The following OSBPL10 variants were observed in gnomAD, a reference collection of about 807,000 sequenced individuals.
The protein encoded by OSBPL10 is oxysterol-binding protein-related protein 10.
A neutral mutation model predicts 81.7 loss-of-function variants in OSBPL10; 49 were observed. The ratio of observed to expected loss-of-function variants is 0.60; its 90% CI spans 0.48 to 0.76. The LOEUF is 0.76. Among genes scored for constraint, OSBPL10 ranks in the 30% least tolerant of loss-of-function variants. The pLI is 0.00. For missense variants in OSBPL10, 923 were observed against 987.8 expected, an observed-to-expected ratio of 0.93 and a Z score of 0.88; for synonymous variants, 419 against 383.6, an observed-to-expected ratio of 1.09 and a Z score of -1.08.
At chr3:32,030,715 A>T in intron 2 of OSBPL10, 1 of 701,374 alleles carries the variant, frequency 1.4e-6, no homozygotes. Context: ...CTGGACTGTA[A>T]AAATAAATAA....
At chr3:31,928,779 A>T (rs1274024872) in intron 1 of OSBPL10, among the ~76,000 whole-genome samples, 1 of 151,692 alleles carries the variant, frequency 6.6e-6, no homozygotes, top group Admixed American at 6.6e-5. Flanking sequence ...AAAAAAAAAA[A>T]AAGAATGCCC....
intron 4 of OSBPL10, among the ~76,000 whole-genome samples, chr3:31,787,669 C>T (rs1214070705): frequency 6.6e-6 from 1 of 151,878 alleles, no homozygotes; most frequent in Non-Finnish European, 1.5e-5. Context: ...CCGGTTCAGC[C>T]ACACCAACCC....
intron 8 of OSBPL10, among the ~76,000 whole-genome samples, chr3:31,681,371 C>A (rs1700637172): frequency 6.6e-6 from 1 of 152,164 alleles, no homozygotes; most frequent in Non-Finnish European, 1.5e-5. Flanking sequence ...GAAGTGGAAC[C>A]CAAGAGTGGC....
chr3:31,957,238 CA>C (rs1243039175), intron 1 of OSBPL10, among the ~76,000 whole-genome samples: 1 of 152,206 alleles, frequency 6.6e-6, no homozygotes, highest in African/African-American at 2.4e-5. Flanking sequence ...ACAACTGACA[CA>C]TAAATATTTT....
chr3:31,978,069 A>G (rs1220551447), intron 1 of OSBPL10, among the ~76,000 whole-genome samples: 1 of 152,242 alleles, frequency 6.6e-6, no homozygotes, highest in Non-Finnish European at 1.5e-5. Context: ...GTGTTAAAAT[A>G]TAAGTTTTAC....
At chr3:31,741,671 T>C (rs1697355465) in intron 5 of OSBPL10, among the ~76,000 whole-genome samples, 1 of 152,228 alleles carries the variant, frequency 6.6e-6, no homozygotes, top group African/African-American at 2.4e-5. Flanking sequence ...TGCTAGTTTT[T>C]CCTTTTCTCC....
At chr3:31,912,271 G>A (rs1029514492) in intron 1 of OSBPL10, among the ~76,000 whole-genome samples, 1 of 151,918 alleles carries the variant, frequency 6.6e-6, no homozygotes, top group African/African-American at 2.4e-5. Flanking sequence ...GTGGATGCCT[G>A]TAATCCCAGC....
intron 5 of OSBPL10, among the ~76,000 whole-genome samples, chr3:31,737,999 CAA>C (rs750366140): frequency 0.079 from 7,557 of 96,002 alleles, 654 homozygotes; most frequent in African/African-American, 0.24. Flanking sequence ...GACTCTGTCT[CAA>C]AAAAAAAAAA....
At chr3:31,755,383 C>G (rs1338061247) in intron 4 of OSBPL10, among the ~76,000 whole-genome samples, 1 of 152,226 alleles carries the variant, frequency 6.6e-6, no homozygotes, top group Non-Finnish European at 1.5e-5. Flanking sequence ...GCAGATCTAA[C>G]TGGCCGGTTG....
chr3:31,754,399 G>A (rs750505717), intron 4 of OSBPL10, among the ~76,000 whole-genome samples: 10 of 152,110 alleles, frequency 6.6e-5, no homozygotes, highest in South Asian at 2.1e-4. Flanking sequence ...CAAGATGAGC[G>A]GAAGGAAGAG....
chr3:31,761,210 A>C (rs1342371225), intron 4 of OSBPL10, among the ~76,000 whole-genome samples: 1 of 152,182 alleles, frequency 6.6e-6, no homozygotes, highest in African/African-American at 2.4e-5. Context: ...GCGGTGGCTC[A>C]CACCTGTAAT....
chr3:31,928,762 C>CCAAAAAAAAAAAAAAAAAAA (rs768296819), intron 1 of OSBPL10, among the ~76,000 whole-genome samples: 34 of 95,058 alleles, frequency 3.6e-4, no homozygotes, highest in African/African-American at 1.0e-3. Flanking sequence ...GACTTGTCTC[C>CCAAAAAAAAAAAAAAAAAAA]AAAAAAAAAA....
At chr3:31,702,791 T>C (rs1695940211) in intron 6 of OSBPL10, among the ~76,000 whole-genome samples, 1 of 152,222 alleles carries the variant, frequency 6.6e-6, no homozygotes, top group Non-Finnish European at 1.5e-5. Flanking sequence ...AGAAACTAAC[T>C]ATAGTATATG....
chr3:32,003,804 C>G (rs1252851439), intron 2 of OSBPL10, among the ~76,000 whole-genome samples: 1 of 152,112 alleles, frequency 6.6e-6, no homozygotes, highest in East Asian at 1.9e-4. Context: ...CCAAGGCTGT[C>G]CCTGGAGGTC....
intron 3 of OSBPL10, among the ~76,000 whole-genome samples, chr3:31,855,028 T>C (rs1451469890): frequency 6.6e-6 from 1 of 152,174 alleles, no homozygotes; most frequent in Non-Finnish European, 1.5e-5. Flanking sequence ...TGTTTTGTTT[T>C]TGTTTTTGTT....
chr3:31,933,793 G>C (rs900141942), intron 1 of OSBPL10, among the ~76,000 whole-genome samples: 21 of 151,952 alleles, frequency 1.4e-4, no homozygotes, highest in Non-Finnish European at 2.9e-4. Flanking sequence ...AGCAATCAAG[G>C]GGTATTCAAA....
intron 2 of OSBPL10, among the ~76,000 whole-genome samples, chr3:31,997,632 G>GT (rs1699103100): frequency 6.6e-6 from 1 of 151,262 alleles, no homozygotes; most frequent in South Asian, 2.1e-4. Context: ...GATTTTTTTT[G>GT]TTTTGTTTTT....
chr3:32,075,676 T>C (rs941167925), intron 1 of OSBPL10, among the ~76,000 whole-genome samples: 1 of 152,096 alleles, frequency 6.6e-6, no homozygotes, highest in Non-Finnish European at 1.5e-5. Context: ...CTGAGAGACA[T>C]TGCCCATTAT....
chr3:31,989,425 T>G, intron 2 of OSBPL10: 1 of 1,614,172 alleles, frequency 6.2e-7, no homozygotes, highest in Non-Finnish European at 8.5e-7. Flanking sequence ...TGAGTTTCAA[T>G]GGCAAGAAGA....
Sources: allele counts gnomAD v4.1 joint callset (sites outside exome capture counted in the v4.1 genomes callset), GRCh38; gene constraint gnomAD v4.1.1; transcripts MANE v1.5; gene names NCBI Gene and HGNC (gene_info 2026-07-23, HGNC 2026-07-21).